Variants in BANP observed in about 807,000 individuals in gnomAD.
BANP encodes protein BANP.
Under a neutral mutation model 68.1 loss-of-function variants are expected in BANP, and 11 were observed. The ratio of observed to expected loss-of-function variants is 0.16; its 90% CI spans 0.10 to 0.27. The LOEUF (loss-of-function observed/expected upper bound fraction) is 0.27, where lower values mean the gene tolerates loss of function less well. Ranked by LOEUF, BANP falls within the 10% of genes least tolerant of loss-of-function variation. BANP has a pLI of 1.00. For synonymous variants in BANP, 329 were observed against 303.2 expected (o/e 1.09, Z -0.88); for missense variants, 504 against 722.7 (o/e 0.70, Z 3.47).
intron 11 of BANP, among the ~76,000 whole-genome samples, chr16:88,061,338 G>A (rs557215194): frequency 3.2e-4 from 49 of 152,316 alleles, no homozygotes; most frequent in African/African-American, 7.5e-4. Context: ...TGTCTAAAAC[G>A]TTGGATCAGT....
chr16:88,035,822 G>A (rs936328027), intron 10 of BANP, among the ~76,000 whole-genome samples: 3 of 152,234 alleles, frequency 2.0e-5, no homozygotes, highest in African/African-American at 7.2e-5. Flanking sequence ...TACGGGATTA[G>A]TGCCGATTTC....
intron 12 of BANP, 111 bp downstream of exon 12, chr16:88,065,443 C>T: frequency 1.6e-6 from 1 of 636,516 alleles, no homozygotes; most frequent in Middle Eastern, 2.9e-4. Flanking sequence ...AGGGTCATCT[C>T]ACCACGTGAG....
At chr16:87,988,565 G>A (rs1438641597) in intron 4 of BANP, among the ~76,000 whole-genome samples, 2 of 152,130 alleles carry the variant, frequency 1.3e-5, no homozygotes, top group Middle Eastern at 3.4e-3. Context: ...GCCCCCGGCC[G>A]GGACTCAAAT....
chr16:88,060,500 T>C (rs774372593), intron 11 of BANP, among the ~76,000 whole-genome samples: 2 of 152,248 alleles, frequency 1.3e-5, no homozygotes, highest in African/African-American at 2.4e-5. Flanking sequence ...CACATGTTTT[T>C]AGAAGTTCGT....
intron 1 of BANP, chr16:87,956,655 T>A (rs1049139110): frequency 6.6e-6 from 1 of 152,170 alleles, no homozygotes; most frequent in Non-Finnish European, 1.5e-5. Flanking sequence ...CAGAGCCGCC[T>A]GCTTTGGTTG....
intron 11 of BANP, among the ~76,000 whole-genome samples, chr16:88,060,236 C>T (rs780898282): frequency 1.4e-4 from 22 of 152,236 alleles, no homozygotes; most frequent in South Asian, 8.3e-4. Flanking sequence ...GTGCAGAGAC[C>T]GCCGTGCGTT....
intron 11 of BANP, among the ~76,000 whole-genome samples, chr16:88,046,592 C>G (rs1224959981): frequency 6.6e-6 from 1 of 151,988 alleles, no homozygotes; most frequent in Non-Finnish European, 1.5e-5. Flanking sequence ...GTTGCCCAGG[C>G]TGGAGTGCAG....
At chr16:88,022,799 C>G (rs1158263206) in intron 7 of BANP, among the ~76,000 whole-genome samples, 1 of 152,208 alleles carries the variant, frequency 6.6e-6, no homozygotes, top group Non-Finnish European at 1.5e-5. Context: ...CCGCATCCCC[C>G]TCGGCTGTCT....
chr16:88,014,386 G>A (rs1371966877), intron 6 of BANP, among the ~76,000 whole-genome samples: 1 of 151,894 alleles, frequency 6.6e-6, no homozygotes, highest in Non-Finnish European at 1.5e-5. Context: ...GGAGGTGGTG[G>A]GTGGCAGCAC....
At chr16:88,024,755 C>T (rs937553391) in intron 7 of BANP, among the ~76,000 whole-genome samples, 5 of 152,224 alleles carry the variant, frequency 3.3e-5, no homozygotes, top group Non-Finnish European at 7.3e-5. Flanking sequence ...GGGCCTGGAG[C>T]GCAGACGGAA....
intron 12 of BANP, among the ~76,000 whole-genome samples, chr16:88,070,796 T>A (rs934597012): frequency 6.6e-6 from 1 of 152,238 alleles, no homozygotes; most frequent in South Asian, 2.1e-4. Flanking sequence ...TAAAAGCCAT[T>A]CTCAGTTCAC....
At chr16:87,978,765 A>G (rs1205767160) in intron 2 of BANP, 2 of 425,088 alleles carry the variant, frequency 4.7e-6, no homozygotes, top group African/African-American at 4.1e-5. Context: ...TAATCAAAAC[A>G]GTCTCAGCCT....
intron 4 of BANP, among the ~76,000 whole-genome samples, chr16:87,988,531 C>T (rs574564269): frequency 1.9e-4 from 29 of 152,074 alleles, no homozygotes; most frequent in Non-Finnish European, 2.8e-4. Flanking sequence ...TCCCAAAGTG[C>T]TGGGATTACG....
At chr16:87,984,371 T>C (rs1323289758) in intron 4 of BANP, 112 bp downstream of exon 4, 15 of 1,219,642 alleles carry the variant, frequency 1.2e-5, no homozygotes, top group Admixed American at 2.4e-5. Context: ...GCGCGGTGTC[T>C]GCCTCAGCAG....
intron 2 of BANP, among the ~76,000 whole-genome samples, chr16:87,975,808 CGGCG>C (rs2061991830): frequency 8.7e-6 from 1 of 115,532 alleles, no homozygotes; most frequent in Non-Finnish European, 1.8e-5. Context: ...CCCCTGTGTG[CGGCG>C]TCATGGAACC....
At chr16:87,983,675 T>A (rs1020028383) in intron 3 of BANP, among the ~76,000 whole-genome samples, 9 of 151,972 alleles carry the variant, frequency 5.9e-5, no homozygotes, top group African/African-American at 2.2e-4. Context: ...GCCTGTGGCT[T>A]TTATGCTGTG....
upstream of BANP, chr16:87,949,429 G>A (rs997127111): frequency 2.6e-5 from 4 of 152,208 alleles, no homozygotes; most frequent in African/African-American, 9.7e-5. Context: ...TGTCCCCACT[G>A]CCGGAGGGAA....
Position 87,980,240 on chromosome 16 carries a change from A to G in BANP, c.71-796A>G, listed in dbSNP as rs141637758. ...TCTATCTATAACTGCAAATGTGTAA[A>G]TTTTAAAAAATTGACTAGGTCTAAG... On this transcript the variant is annotated intron_variant, in intron 2 of 13. Coordinates refer to ENST00000682872, the MANE Select transcript of BANP (RefSeq NM_001386991.1). Among the ~76,000 whole-genome samples the G allele has an allele frequency of 8.0e-3, 1,213 of 152,354 alleles. 13 individuals carry two copies. Among genetic ancestry groups the G allele is most frequent in the African/African-American group, 0.027 (1,115 of 41,570 alleles).
intron 1 of BANP, among the ~76,000 whole-genome samples, chr16:87,971,754 C>G (rs959295654): frequency 6.6e-6 from 1 of 151,730 alleles, no homozygotes; most frequent in Non-Finnish European, 1.5e-5. Flanking sequence ...TTCTGGAGAG[C>G]TTTCTTGAAT....
Sources: allele counts gnomAD v4.1 joint callset (sites outside exome capture counted in the v4.1 genomes callset), GRCh38; gene constraint gnomAD v4.1.1; transcripts MANE v1.5; gene names NCBI Gene and HGNC (gene_info 2026-07-23, HGNC 2026-07-21).